NCKAP5: variants seen among roughly 807,000 people sequenced by gnomAD.
NCKAP5 encodes the protein nck-associated protein 5.
A neutral mutation model predicts 167.0 loss-of-function variants in NCKAP5; 92 were observed. That is an observed-to-expected ratio of 0.55 (90% CI 0.47 to 0.66). The LOEUF (loss-of-function observed/expected upper bound fraction) is 0.66, where lower values mean the gene tolerates loss of function less well. Among genes scored for constraint, NCKAP5 ranks in the 30% least tolerant of loss-of-function variants. NCKAP5 has a pLI of 0.00. For missense variants in NCKAP5, 2,378 were observed against 2,315.0 expected (o/e 1.03, Z -0.56); for synonymous variants, 891 against 877.4 (o/e 1.02, Z -0.27).
intron 12 of NCKAP5, among the ~76,000 whole-genome samples, chr2:132,796,121 G>A (rs370212800): frequency 1.8e-4 from 27 of 151,700 alleles, no homozygotes; most frequent in African/African-American, 4.1e-4. Flanking sequence ...TAAGCCTCAC[G>A]TTTTTCATTA....
At chr2:132,826,226 A>G (rs1687114568) in intron 11 of NCKAP5, among the ~76,000 whole-genome samples, 1 of 152,218 alleles carries the variant, frequency 6.6e-6, no homozygotes, top group Non-Finnish European at 1.5e-5. Context: ...ATTAATAATT[A>G]TTATACTAAA....
At position 133,391,761 on chromosome 2, in the gene NCKAP5, A is replaced by T. The variant is rs112176437; in HGVS notation, c.70-88651T>A. On this transcript the variant is annotated intron_variant, in intron 3 of 19. Transcript: ENST00000409261. The stretch of plus-strand genomic sequence containing the variant: ...TGTTGCTAGCTATAGTCTAATCTTC[A>T]CCAGAATTACCAGGGTAAACTGTCT... Among the ~76,000 whole-genome samples the T allele has an allele frequency of 5.5e-4, 83 of 152,182 alleles. 2 individuals are homozygous for T. Among genetic ancestry groups the T allele is most frequent in the African/African-American group, 1.9e-3 (80 of 41,506 alleles).
chr2:132,920,767 G>GTGTGTGTATA lies in NCKAP5; in HGVS notation c.580-41852_580-41851insTATACACACA, dbSNP rs1558943158. On this transcript the variant is annotated intron_variant, in intron 8 of 19. Transcript: ENST00000409261. ...TGTGTATATATATATGTATATATAT[G>GTGTGTGTATA]TATGTATATATATATATATATATAT... Among the ~76,000 whole-genome samples, 17 of 31,256 alleles carry GTGTGTGTATA rather than the reference G, an allele frequency of 5.4e-4. 1 individual carries two copies. Among genetic ancestry groups the GTGTGTGTATA allele is most frequent in the Non-Finnish European group, 9.5e-4 (14 of 14,758 alleles). The allele number at this position is 31,256 out of a possible 152,430, so 20.5% of individuals were successfully genotyped here.
intron 8 of NCKAP5, among the ~76,000 whole-genome samples, chr2:132,919,531 C>G (rs1381567119): frequency 6.6e-6 from 1 of 152,012 alleles, no homozygotes; most frequent in Non-Finnish European, 1.5e-5. Flanking sequence ...AATGTTAACA[C>G]CAATCACAAG....
At chr2:133,657,348 GA>G in the NCKAP5 span, among the ~76,000 whole-genome samples, 10 of 152,314 alleles carry the variant, frequency 6.6e-5, no homozygotes, top group East Asian at 1.9e-3. Context: ...TCAAACCATT[GA>G]AACTCGTTTA....
intron 19 of NCKAP5, among the ~76,000 whole-genome samples, chr2:132,722,941 G>T (rs1354846958): frequency 1.3e-5 from 2 of 151,628 alleles, no homozygotes; most frequent in Admixed American, 6.6e-5. Flanking sequence ...TTCCTCTCCC[G>T]AGTAGCTGGA....
chr2:133,547,369 G>T (rs1261754320), intron 2 of NCKAP5, among the ~76,000 whole-genome samples: 8 of 152,038 alleles, frequency 5.3e-5, no homozygotes, highest in Admixed American at 6.5e-5. Flanking sequence ...ACTGGGTGGA[G>T]CCCACCACAG....
At chr2:132,899,856 A>G (rs13036028) in intron 8 of NCKAP5, among the ~76,000 whole-genome samples, 18,371 of 152,178 alleles carry the variant, frequency 0.12, 1,197 homozygotes, top group Middle Eastern at 0.19. Context: ...GCCTGGGTGA[A>G]AAAGTGAGAC....
chr2:132,976,669 G>T (rs1247946396), intron 7 of NCKAP5, among the ~76,000 whole-genome samples: 3 of 151,564 alleles, frequency 2.0e-5, no homozygotes, highest in East Asian at 3.9e-4. Flanking sequence ...CACAAGAAAT[G>T]ATAAGTATGT....
At position 132,774,831 on chromosome 2, in the gene NCKAP5, G is replaced by A. The variant is rs556378223; in HGVS notation, c.5050-937C>T. 2.0e-4 allele frequency among the ~76,000 whole-genome samples: 30 copies of A among 152,298 alleles called. 1 individual carries two copies. In the South Asian group the frequency reaches 2.9e-3, roughly 15 times the overall value. ...ACAGTGCTATGAAGCAGGTGCTATG[G>A]TTAGCTTTATTTTAGAGATGAAGAC... On this transcript the variant is annotated intron_variant, in intron 15 of 19. Transcript: ENST00000409261.
intron 16 of NCKAP5, among the ~76,000 whole-genome samples, chr2:132,768,288 T>C (rs1681697148): frequency 6.6e-6 from 1 of 152,192 alleles, no homozygotes. Context: ...CTTTATAAGA[T>C]TTTACAAATC....
intron 19 of NCKAP5, among the ~76,000 whole-genome samples, chr2:132,704,343 T>C (rs1447441529): frequency 6.6e-6 from 1 of 152,172 alleles, no homozygotes; most frequent in Non-Finnish European, 1.5e-5. Flanking sequence ...AAACATCGAT[T>C]GAACTCCTGG....
chr2:133,448,677 G>C (rs770851798), intron 3 of NCKAP5, among the ~76,000 whole-genome samples: 1 of 152,226 alleles, frequency 6.6e-6, no homozygotes, highest in Non-Finnish European at 1.5e-5. Flanking sequence ...GGGTCTCACT[G>C]TTGCCCAGGC....
chr2:133,490,646 G>T (rs1176430235), intron 3 of NCKAP5, among the ~76,000 whole-genome samples: 1 of 152,216 alleles, frequency 6.6e-6, no homozygotes, highest in South Asian at 2.1e-4. Flanking sequence ...GCTGAGGGAT[G>T]AGGATGTGAT....
chr2:133,243,578 G>A (rs1333809810), intron 4 of NCKAP5, among the ~76,000 whole-genome samples: 1 of 152,172 alleles, frequency 6.6e-6, no homozygotes, highest in East Asian at 1.9e-4. Flanking sequence ...CCTCACGGAT[G>A]CCATGGCTGG....
chr2:132,775,747 T>C (rs1365906931), intron 15 of NCKAP5, among the ~76,000 whole-genome samples: 2 of 152,212 alleles, frequency 1.3e-5, no homozygotes, highest in Non-Finnish European at 2.9e-5. Context: ...TTTCCATTAA[T>C]AATCCACTGG....
chr2:133,616,925 T>C, the NCKAP5 span, among the ~76,000 whole-genome samples: 14 of 152,100 alleles, frequency 9.2e-5, no homozygotes, highest in Admixed American at 4.6e-4. Flanking sequence ...CAAACCGAAT[T>C]CAGCAGCACA....
the NCKAP5 span, among the ~76,000 whole-genome samples, chr2:133,660,222 T>C: frequency 6.6e-6 from 1 of 152,228 alleles, no homozygotes; most frequent in African/African-American, 2.4e-5. Context: ...GCACTTAAAA[T>C]GCTGCTCATT....
chr2:133,343,902 GA>G (rs745343324), intron 3 of NCKAP5, among the ~76,000 whole-genome samples: 6 of 152,184 alleles, frequency 3.9e-5, no homozygotes, highest in Non-Finnish European at 5.9e-5. Flanking sequence ...CTAACAATGT[GA>G]TGTCACCGGA....
Sources: gnomAD v4.1 joint callset for allele counts (sites outside exome capture counted in the v4.1 genomes callset) on GRCh38, gnomAD v4.1.1 for gene constraint, MANE v1.5 for transcripts, NCBI Gene and HGNC (gene_info 2026-07-23, HGNC 2026-07-21) for gene names.